Variants in PRSS23 observed in about 807,000 individuals in gnomAD.
PRSS23 encodes serine protease 23.
Under a neutral mutation model 34.7 loss-of-function variants are expected in PRSS23, and 25 were observed. The ratio of observed to expected loss-of-function variants is 0.72; its 90% CI spans 0.53 to 1.01. The LOEUF is 1.01. Among genes scored for constraint, PRSS23 ranks in the 50% least tolerant of loss-of-function variants. The pLI is 0.00. For synonymous variants in PRSS23, 176 were observed against 186.6 expected, an observed-to-expected ratio of 0.94 and a Z score of 0.46; for missense variants, 445 against 475.6, an observed-to-expected ratio of 0.94 and a Z score of 0.60.
intron 2 of PRSS23, chr11:86,924,965 C>A (rs950568937): frequency 6.6e-6 from 1 of 152,160 alleles, no homozygotes; most frequent in Non-Finnish European, 1.5e-5. Flanking sequence ...CTGAAGAAGA[C>A]TTTAACTCAC....
At chr11:86,812,616 C>A (rs1001112518), downstream of PRSS23, among the ~76,000 whole-genome samples, 1 of 151,172 alleles carries the variant, frequency 6.6e-6, no homozygotes, top group Non-Finnish European at 1.5e-5. Context: ...GCTGAAACCC[C>A]GTCACTACTA....
intron 2 of PRSS23, among the ~76,000 whole-genome samples, chr11:86,865,871 CAA>C (rs1948646157): frequency 6.6e-6 from 1 of 152,208 alleles, no homozygotes; most frequent in African/African-American, 2.4e-5. Context: ...ACAGCTTACA[CAA>C]AGTCCTTTGA....
chr11:86,906,852 G>A (rs11607737), intron 2 of PRSS23, among the ~76,000 whole-genome samples: 60,976 of 151,824 alleles, frequency 0.4, 12,738 homozygotes, highest in African/African-American at 0.51. Flanking sequence ...TTGTATCTCT[G>A]TACAAATTAA....
intron 2 of PRSS23, among the ~76,000 whole-genome samples, chr11:86,881,676 T>A (rs1436361296): frequency 6.6e-6 from 1 of 152,204 alleles, no homozygotes; most frequent in Non-Finnish European, 1.5e-5. Context: ...TTGGTGTTAA[T>A]TCTTCTTTAA....
At chr11:86,834,013 A>T (rs543367768) in intron 2 of PRSS23, among the ~76,000 whole-genome samples, 4 of 152,324 alleles carry the variant, frequency 2.6e-5, no homozygotes, top group Admixed American at 6.5e-5. Context: ...CATGGACTGC[A>T]TCTGGGGCTC....
intron 2 of PRSS23, among the ~76,000 whole-genome samples, chr11:86,836,500 A>G (rs1441654859): frequency 6.6e-6 from 1 of 152,188 alleles, no homozygotes; most frequent in Non-Finnish European, 1.5e-5. Context: ...TCAGGTGTGT[A>G]ATAGCCCCTG....
chr11:86,858,774 T>A (rs1274588201), intron 2 of PRSS23, among the ~76,000 whole-genome samples: 3 of 151,716 alleles, frequency 2.0e-5, no homozygotes, highest in Admixed American at 6.6e-5. Context: ...ATGATATGAC[T>A]CCCAATATCG....
At chr11:86,838,245 G>T (rs1053957432) in intron 2 of PRSS23, among the ~76,000 whole-genome samples, 1 of 151,932 alleles carries the variant, frequency 6.6e-6, no homozygotes, top group African/African-American at 2.4e-5. Context: ...AAAGAGAAAC[G>T]GTACACTCTT....
chr11:86,951,927 G>A lies in PRSS23; in HGVS notation c.*642G>A, dbSNP rs768216168. The A allele has an allele frequency of 2.5e-5, 40 of 1,613,504 alleles. 1 individual carries two copies. In the Admixed American group the frequency reaches 4.8e-4, roughly 20 times the overall value. ...TCAAAATCACAGGATATCCTTTCCCGGCCTACAGTCAGCCTGACAATATAA... is the reference window on the plus strand; with the variant it reads ...TCAAAATCACAGGATATCCTTTCCCAGCCTACAGTCAGCCTGACAATATAA... On this transcript the variant is annotated 3_prime_UTR_variant, in exon 3 of 3. Transcript: ENST00000533902.
At chr11:86,873,546 G>C (rs941793970) in intron 2 of PRSS23, among the ~76,000 whole-genome samples, 1 of 151,934 alleles carries the variant, frequency 6.6e-6, no homozygotes, top group African/African-American at 2.4e-5. Context: ...GCCTCCCAAA[G>C]TGTTGGGATT....
intron 1 of PRSS23, among the ~76,000 whole-genome samples, chr11:86,816,273 T>C (rs1305175145): frequency 6.6e-6 from 1 of 152,192 alleles, no homozygotes; most frequent in African/African-American, 2.4e-5. Flanking sequence ...TGCCAGTCAC[T>C]GTGTTCACGC....
At chr11:86,815,382 G>C (rs1332974380), downstream of PRSS23, among the ~76,000 whole-genome samples, 1 of 152,154 alleles carries the variant, frequency 6.6e-6, no homozygotes, top group African/African-American at 2.4e-5. Flanking sequence ...TTTATCTGTT[G>C]TGTCCCCACA....
At chr11:86,900,781 C>CTCTCTCTTTTTTTTTT (rs775258446) in intron 2 of PRSS23, among the ~76,000 whole-genome samples, 3 of 94,018 alleles carry the variant, frequency 3.2e-5, no homozygotes, top group African/African-American at 4.5e-5. Flanking sequence ...ATCTCTCTCT[C>CTCTCTCTTTTTTTTTT]TTTTTTTTTT....
At chr11:86,893,365 C>A (rs1390961247) in intron 2 of PRSS23, among the ~76,000 whole-genome samples, 1 of 152,146 alleles carries the variant, frequency 6.6e-6, no homozygotes, top group Non-Finnish European at 1.5e-5. Context: ...CAAAGCTTCG[C>A]AAATTATACT....
intron 1 of PRSS23, among the ~76,000 whole-genome samples, chr11:86,822,173 G>A (rs1378370167): frequency 6.6e-6 from 1 of 152,168 alleles, no homozygotes; most frequent in East Asian, 1.9e-4. Flanking sequence ...GCAAGGCATA[G>A]TAGGTAAAAC....
rs983071596 is a variant in PRSS23, at chr11:86,823,619, A to G, written c.206+26A>G. On this transcript the variant is annotated intron_variant, in intron 2 of 2. Transcript: ENST00000533902. ...GTAAGTTCATATCAGATTATCACAA[A>G]GCAGTGTGCTTAATGGTGCTTAAAT... The G allele has an allele frequency of 6.1e-5, 43 of 702,134 alleles. No homozygotes were observed. The Middle Eastern group carries it at 9.1e-4, about 15-fold the overall frequency. The allele number at this position is 702,134 out of a possible 1,614,324, so 43.5% of individuals were successfully genotyped here.
downstream of PRSS23, among the ~76,000 whole-genome samples, chr11:86,813,874 T>A (rs1474607396): frequency 6.6e-6 from 1 of 152,140 alleles, no homozygotes; most frequent in African/African-American, 2.4e-5. Context: ...AAACTAGTAA[T>A]CCAGGTAAGA....
In PRSS23 at chr11:86,821,668, T is replaced by C. The variant is rs1948252930; in HGVS notation, c.-11-1709T>C. ...AGCTGGTTCAAGAATTTTGTCAATA[T>C]TGGAGCAATCTGCTCTTATGTTCTG... is the stretch of plus-strand genomic sequence containing the variant. On this transcript the variant is annotated intron_variant, in intron 1 of 2. Coordinates refer to the PRSS23 transcript ENST00000533902. 1.9e-6 allele frequency: 3 copies of C among 1,543,026 alleles called. No individual in the cohort carries two copies. The East Asian group carries it at 6.8e-5, about 35-fold the overall frequency.
At chr11:86,856,740 A>C (rs1186262239) in intron 2 of PRSS23, among the ~76,000 whole-genome samples, 1 of 152,242 alleles carries the variant, frequency 6.6e-6, no homozygotes, top group African/African-American at 2.4e-5. Context: ...AGGGAATTAC[A>C]AAATTACAAA....
Sources: gnomAD v4.1 joint callset for allele counts (sites outside exome capture counted in the v4.1 genomes callset) on GRCh38, gnomAD v4.1.1 for gene constraint, MANE v1.5 for transcripts, NCBI Gene and HGNC (gene_info 2026-07-23, HGNC 2026-07-21) for gene names.